Variants in PRKN observed in about 807,000 individuals in gnomAD.
The protein encoded by PRKN is E3 ubiquitin-protein ligase parkin.
PRKN carries 56 observed loss-of-function variants against 59.5 expected under a neutral mutation model. The ratio of observed to expected loss-of-function variants is 0.94; its 90% CI spans 0.76 to 1.18. The LOEUF (loss-of-function observed/expected upper bound fraction) is 1.18. Ranked by LOEUF, PRKN falls within the 50% of genes most tolerant of loss-of-function variation. The probability of loss-of-function intolerance (pLI) is 0.00; values close to 1 mark genes in which losing one functional copy is unlikely to be tolerated. For synonymous variants in PRKN, 250 were observed against 222.1 expected (o/e 1.13, Z -1.12); for missense variants, 657 against 596.4 (o/e 1.10, Z -1.06).
intron 6 of PRKN, among the ~76,000 whole-genome samples, chr6:161,907,674 C>T (rs552227377): frequency 6.6e-6 from 1 of 152,282 alleles, no homozygotes; most frequent in South Asian, 2.1e-4. Flanking sequence ...TGACGTAAGA[C>T]GTGAGCCAGG....
Position 161,410,990 on chromosome 6 carries a change from C to T in PRKN, c.1084-24113G>A, listed in dbSNP as rs1787513266. The stretch of plus-strand genomic sequence containing the variant: ...CCTCAGGTGGAAGGAAGGCAGTTGA[C>T]TCATCCTGCTTCCCTGTAGTAGATT... On this transcript the variant is annotated intron_variant, in intron 9 of 11. Coordinates refer to ENST00000366898, the MANE Select transcript of PRKN (RefSeq NM_004562.3). The surrounding 1 kb of genome is among the most constrained non-coding windows in gnomAD (Gnocchi z 5.3). Among the ~76,000 whole-genome samples the T allele has an allele frequency of 6.6e-6, 1 of 152,170 alleles. No homozygotes were observed. The highest frequency in any genetic ancestry group is 2.4e-5 in the African/African-American group (1 of 41,426).
At chr6:162,431,961 A>G (rs1789552755) in intron 2 of PRKN, among the ~76,000 whole-genome samples, 1 of 152,188 alleles carries the variant, frequency 6.6e-6, no homozygotes, top group South Asian at 2.1e-4. Context: ...GTTTTAATAA[A>G]CTGAAATGAA....
chr6:162,637,777 T>A (rs1179509687), intron 1 of PRKN, among the ~76,000 whole-genome samples: 3 of 152,202 alleles, frequency 2.0e-5, no homozygotes, highest in Non-Finnish European at 4.4e-5. Flanking sequence ...CTTTTCACCA[T>A]TTAGTTTCAG....
At chr6:161,778,878 C>T (rs1790070133) in intron 7 of PRKN, among the ~76,000 whole-genome samples, 1 of 152,170 alleles carries the variant, frequency 6.6e-6, no homozygotes, top group Admixed American at 6.5e-5. Context: ...GCTTTCAATA[C>T]ATTATTTGTT....
chr6:161,718,573 C>T (rs1787086283), intron 7 of PRKN, among the ~76,000 whole-genome samples: 1 of 138,558 alleles, frequency 7.2e-6, no homozygotes, highest in Admixed American at 6.7e-5. Context: ...AAGGTGTGGC[C>T]TTCTCAGGGT....
intron 2 of PRKN, among the ~76,000 whole-genome samples, chr6:162,335,272 C>A (rs1324671767): frequency 4.6e-5 from 7 of 151,910 alleles, no homozygotes; most frequent in Non-Finnish European, 1.0e-4. Flanking sequence ...GAACTCCTGA[C>A]CTCAGGTGAT....
At chr6:162,314,861 T>C (rs1782678474) in intron 2 of PRKN, among the ~76,000 whole-genome samples, 1 of 152,158 alleles carries the variant, frequency 6.6e-6, no homozygotes, top group African/African-American at 2.4e-5. Context: ...ATACTGAACA[T>C]GGGATCAAGT....
intron 7 of PRKN, among the ~76,000 whole-genome samples, chr6:161,725,963 T>C (rs867427628): frequency 1.2e-4 from 19 of 152,226 alleles, no homozygotes; most frequent in Non-Finnish European, 2.2e-4. Context: ...AAATGAAATA[T>C]GTCCCACATT....
intron 6 of PRKN, among the ~76,000 whole-genome samples, chr6:161,882,134 A>G (rs909664877): frequency 3.5e-4 from 54 of 152,256 alleles, no homozygotes; most frequent in Non-Finnish European, 5.3e-4. Flanking sequence ...AATCCAAACA[A>G]AACATGTCCA....
intron 1 of PRKN, among the ~76,000 whole-genome samples, chr6:162,682,023 A>G (rs1251230097): frequency 1.3e-5 from 2 of 152,170 alleles, no homozygotes; most frequent in African/African-American, 4.8e-5. Context: ...AGTATTTTAG[A>G]AAATAATGTG....
chr6:161,915,802 CAT>C (rs1778534063), intron 6 of PRKN, among the ~76,000 whole-genome samples: 1 of 152,152 alleles, frequency 6.6e-6, no homozygotes, highest in African/African-American at 2.4e-5. Context: ...CCCAAATAGA[CAT>C]AGCATTGCGG....
intron 4 of PRKN, among the ~76,000 whole-genome samples, chr6:162,111,370 C>T (rs1054579380): frequency 4.6e-5 from 7 of 152,006 alleles, no homozygotes; most frequent in Admixed American, 6.6e-5. Context: ...GAGGCTGAGG[C>T]AGGAGAATGG....
intron 1 of PRKN, among the ~76,000 whole-genome samples, chr6:162,648,919 A>T (rs1406084611): frequency 2.0e-5 from 3 of 152,160 alleles, no homozygotes; most frequent in Non-Finnish European, 4.4e-5. Flanking sequence ...TACCCTAAAA[A>T]ACTTGGGGGT....
At chr6:162,642,156 T>C (rs1777988970) in intron 1 of PRKN, among the ~76,000 whole-genome samples, 1 of 152,132 alleles carries the variant, frequency 6.6e-6, no homozygotes, top group African/African-American at 2.4e-5. Flanking sequence ...TAGACAAAGC[T>C]GGGTGGGAGA....
chr6:161,864,129 C>T (rs555080168), intron 6 of PRKN, among the ~76,000 whole-genome samples: 1 of 152,154 alleles, frequency 6.6e-6, no homozygotes, highest in Non-Finnish European at 1.5e-5. Context: ...CATCATTTGA[C>T]TCCTCCTTTC....
intron 7 of PRKN, among the ~76,000 whole-genome samples, chr6:161,697,082 A>C (rs1786051501): frequency 6.6e-6 from 1 of 152,156 alleles, no homozygotes. Flanking sequence ...CAAACTTTTC[A>C]AGGATCCTGC....
At chr6:162,010,263 T>TAA (rs1782446944) in intron 5 of PRKN, among the ~76,000 whole-genome samples, 1 of 129,630 alleles carries the variant, frequency 7.7e-6, no homozygotes, top group Non-Finnish European at 1.6e-5. Context: ...AATATATATT[T>TAA]TATATATATT....
At chr6:162,234,835 T>C (rs1778578853) in intron 3 of PRKN, among the ~76,000 whole-genome samples, 1 of 152,190 alleles carries the variant, frequency 6.6e-6, no homozygotes, top group Admixed American at 6.5e-5. Flanking sequence ...AATGACAGCA[T>C]GACAAACAGG....
chr6:161,532,909 A>C (rs1434536661), intron 9 of PRKN, among the ~76,000 whole-genome samples: 4 of 152,192 alleles, frequency 2.6e-5, no homozygotes. Flanking sequence ...TTCAATATGA[A>C]ACCCTCTTAT....
Sources: allele counts gnomAD v4.1 joint callset (sites outside exome capture counted in the v4.1 genomes callset), GRCh38; gene constraint gnomAD v4.1.1; non-coding constraint Gnocchi (gnomAD v3.1); transcripts MANE v1.5; gene names NCBI Gene and HGNC (gene_info 2026-07-23, HGNC 2026-07-21).